PTPRN2: variants seen among roughly 807,000 people sequenced by gnomAD.
PTPRN2 encodes protein tyrosine phosphatase receptor type N2, also known as receptor-type tyrosine-protein phosphatase N2.
A neutral mutation model predicts 118.8 loss-of-function variants in PTPRN2; 74 were observed. That is an observed-to-expected ratio of 0.62 (90% confidence interval 0.52 to 0.76). PTPRN2 has a LOEUF of 0.76. Among genes scored for constraint, PTPRN2 ranks in the 30% least tolerant of loss-of-function variants. PTPRN2 has a pLI of 0.00. For missense variants in PTPRN2, 1,481 were observed against 1,394.4 expected (o/e 1.06, Z -0.99); for synonymous variants, 641 against 608.0 (o/e 1.05, Z -0.80).
At position 157,869,677 on chromosome 7, in the gene PTPRN2, G is replaced by A. The variant is rs969863886; in HGVS notation, c.1788+28996C>T. Among the ~76,000 whole-genome samples the A allele has an allele frequency of 6.6e-6, 1 of 152,304 alleles. No homozygotes were observed. Among genetic ancestry groups the A allele is most frequent in the African/African-American group, 2.4e-5 (1 of 41,574 alleles). ...AGTGAGAAGGAGCCAAACCAGGACT[G>A]TAGGGGGATGCCTCATGAGTTCTCA... On this transcript the variant is annotated intron_variant, in intron 12 of 22. Transcript: ENST00000389418. The surrounding 1 kb of genome is among the most constrained non-coding windows in gnomAD (Gnocchi z 4.2).
At chr7:158,087,391 A>G (rs892760621) in intron 10 of PTPRN2, among the ~76,000 whole-genome samples, 2 of 152,200 alleles carry the variant, frequency 1.3e-5, no homozygotes, top group African/African-American at 4.8e-5. Flanking sequence ...TGTCGTCCCG[A>G]TGGTCGTGCC....
In PTPRN2 at chr7:158,316,395, T is replaced by A. The variant is rs528618092; in HGVS notation, c.277+424A>T. On this transcript the variant is annotated intron_variant, in intron 3 of 22. Coordinates refer to ENST00000389418, the MANE Select transcript of PTPRN2 (RefSeq NM_002847.5). The stretch of plus-strand genomic sequence containing the variant: ...GCCATATATAATTTTTAAATTATCA[T>A]AATTTTAAAAATTATCTTCTCATCA... Among the ~76,000 whole-genome samples the A allele has an allele frequency of 5.9e-5, 9 of 152,336 alleles. No individual in the cohort carries two copies. In the East Asian group the frequency reaches 1.4e-3, roughly 23 times the overall value.
intron 3 of PTPRN2, among the ~76,000 whole-genome samples, chr7:158,313,910 T>A (rs1802078779): frequency 6.6e-6 from 1 of 152,220 alleles, no homozygotes. Flanking sequence ...TCCCTCCTTT[T>A]GAAACTCACC....
chr7:157,634,125 C>T (rs1055555753), intron 14 of PTPRN2, among the ~76,000 whole-genome samples: 1 of 151,816 alleles, frequency 6.6e-6, no homozygotes, highest in African/African-American at 2.4e-5. Flanking sequence ...CTGACCTGCC[C>T]TTCCTCACAC....
chr7:157,672,036 G>T (rs921536931), intron 13 of PTPRN2, among the ~76,000 whole-genome samples: 5 of 152,300 alleles, frequency 3.3e-5, no homozygotes, highest in Middle Eastern at 3.4e-3. Context: ...GAACTTTGCA[G>T]AGGGTGCTGG....
intron 12 of PTPRN2, among the ~76,000 whole-genome samples, chr7:157,790,433 G>T (rs905338352): frequency 3.9e-5 from 6 of 152,004 alleles, no homozygotes; most frequent in African/African-American, 1.5e-4. Flanking sequence ...GAGACCGGGC[G>T]CTCCTGCAGG....
chr7:158,172,977 C>G (rs1823850000), intron 5 of PTPRN2, among the ~76,000 whole-genome samples: 2 of 150,368 alleles, frequency 1.3e-5, no homozygotes, highest in African/African-American at 4.9e-5. Context: ...TCATCATCAC[C>G]CCATCATCGA....
At chr7:158,436,989 G>A (rs141485343) in intron 2 of PTPRN2, among the ~76,000 whole-genome samples, 4 of 151,916 alleles carry the variant, frequency 2.6e-5, no homozygotes. Context: ...CCAAGCTTTG[G>A]TGTCTTTCTT....
chr7:158,157,655 G>A (rs1401225254), intron 6 of PTPRN2, among the ~76,000 whole-genome samples: 1 of 152,230 alleles, frequency 6.6e-6, no homozygotes, highest in Non-Finnish European at 1.5e-5. Context: ...ACCCCGCACT[G>A]GGCGCATCCA....
chr7:158,571,371 G>A (rs1490643910), intron 1 of PTPRN2, among the ~76,000 whole-genome samples: 1 of 151,716 alleles, frequency 6.6e-6, no homozygotes, highest in Non-Finnish European at 1.5e-5. Flanking sequence ...CCAGCTACTT[G>A]GGACGCTGAG....
intron 11 of PTPRN2, among the ~76,000 whole-genome samples, chr7:157,940,214 A>G (rs1799961465): frequency 6.6e-6 from 1 of 152,194 alleles, no homozygotes; most frequent in Non-Finnish European, 1.5e-5. Flanking sequence ...GAACTTGGTT[A>G]TAACTCAGCC....
intron 11 of PTPRN2, among the ~76,000 whole-genome samples, chr7:158,014,806 C>T (rs950308967): frequency 6.6e-6 from 1 of 151,930 alleles, no homozygotes; most frequent in Non-Finnish European, 1.5e-5. Flanking sequence ...TCCATCCACC[C>T]GTCCATATAC....
intron 11 of PTPRN2, among the ~76,000 whole-genome samples, chr7:158,071,689 AGGTGCTTGTGGTGGAGGTGCTCCTGG>A (rs1563392877): frequency 2.0e-4 from 13 of 66,442 alleles, no homozygotes; most frequent in Admixed American, 1.6e-3. Context: ...CTCCTGGTGG[AGGTGCTTGTGGTGGAGGTGCTCCTGG>A]TGGTGGAGGT....
intron 2 of PTPRN2, among the ~76,000 whole-genome samples, chr7:158,471,111 C>T (rs1193726998): frequency 6.6e-6 from 1 of 152,282 alleles, no homozygotes; most frequent in African/African-American, 2.4e-5. Flanking sequence ...AATTGCACTC[C>T]TGTCCAACCT....
At chr7:158,374,905 T>A (rs1810381552) in intron 2 of PTPRN2, among the ~76,000 whole-genome samples, 1 of 152,160 alleles carries the variant, frequency 6.6e-6, no homozygotes, top group African/African-American at 2.4e-5. Flanking sequence ...ATTGAATACT[T>A]CAAGTCTACA....
intron 1 of PTPRN2, among the ~76,000 whole-genome samples, chr7:158,491,208 C>G (rs1821418878): frequency 6.6e-6 from 1 of 152,240 alleles, no homozygotes. Flanking sequence ...TGGGAGTTCA[C>G]AGGAGGAGGC....
At chr7:157,597,427 C>A (rs1801406881) in intron 16 of PTPRN2, among the ~76,000 whole-genome samples, 1 of 150,730 alleles carries the variant, frequency 6.6e-6, no homozygotes, top group Non-Finnish European at 1.5e-5. Flanking sequence ...CTCTTCCTTG[C>A]AAATAGTAAT....
chr7:158,359,465 G>C (rs915520953), intron 2 of PTPRN2, among the ~76,000 whole-genome samples: 2 of 152,176 alleles, frequency 1.3e-5, no homozygotes, highest in African/African-American at 4.8e-5. Flanking sequence ...GACCCAGCTG[G>C]AGCCATAAAA....
chr7:158,161,771 C>T (rs1010521706), intron 6 of PTPRN2, among the ~76,000 whole-genome samples: 19 of 150,188 alleles, frequency 1.3e-4, no homozygotes, highest in Admixed American at 2.0e-4. Context: ...CTGCAAAAGA[C>T]GCTGTCAAGA....
Sources: allele counts gnomAD v4.1 joint callset (sites outside exome capture counted in the v4.1 genomes callset), GRCh38; gene constraint gnomAD v4.1.1; non-coding constraint Gnocchi (gnomAD v3.1); transcripts MANE v1.5; gene names NCBI Gene and HGNC (gene_info 2026-07-23, HGNC 2026-07-21).